TSHZ2: variants seen among roughly 807,000 people sequenced by gnomAD.
The protein encoded by TSHZ2 is teashirt zinc finger homeobox 2.
In TSHZ2, 21 loss-of-function variants were observed where a neutral mutation model predicts 74.4. The ratio of observed to expected loss-of-function variants is 0.28; its 90% CI spans 0.20 to 0.41. The LOEUF is 0.41. TSHZ2 is among the 10% of genes least tolerant of loss of function. The pLI is 1.00. For missense variants in TSHZ2, 1,244 were observed against 1,293.5 expected (o/e 0.96, Z 0.59); for synonymous variants, 540 against 515.3 (o/e 1.05, Z -0.65).
chr20:53,021,919 C>T (rs1471881778), intron 1 of TSHZ2, among the ~76,000 whole-genome samples: 1 of 152,006 alleles, frequency 6.6e-6, no homozygotes, highest in African/African-American at 2.4e-5. Flanking sequence ...AATCTTGGGA[C>T]CTGAGTATGT....
At chr20:53,142,381 C>T (rs1404938065) in intron 1 of TSHZ2, among the ~76,000 whole-genome samples, 2 of 152,142 alleles carry the variant, frequency 1.3e-5, no homozygotes, top group Non-Finnish European at 2.9e-5. Context: ...TCCAAATGCC[C>T]AGGAGGAAAA....
chr20:53,412,310 G>T (rs556646349), intron 2 of TSHZ2, among the ~76,000 whole-genome samples: 4 of 152,246 alleles, frequency 2.6e-5, no homozygotes, highest in Admixed American at 2.0e-4. Flanking sequence ...AAGGGAATGG[G>T]ACAAGAAAGG....
chr20:53,373,393 G>A (rs1000600272), intron 2 of TSHZ2, among the ~76,000 whole-genome samples: 1 of 152,070 alleles, frequency 6.6e-6, no homozygotes, highest in Admixed American at 6.6e-5. Context: ...ATCATTCTGG[G>A]TTTTTTTAAT....
At chr20:52,998,422 G>A (rs1392701908) in intron 1 of TSHZ2, among the ~76,000 whole-genome samples, 1 of 152,136 alleles carries the variant, frequency 6.6e-6, no homozygotes, top group Admixed American at 6.5e-5. Flanking sequence ...ACCCGCCTTG[G>A]TTCCCAAAGT....
At chr20:53,320,626 T>G (rs1242954743) in intron 2 of TSHZ2, among the ~76,000 whole-genome samples, 1 of 152,206 alleles carries the variant, frequency 6.6e-6, no homozygotes, top group African/African-American at 2.4e-5. Flanking sequence ...GCCAGCTCTT[T>G]CTTTGCAGAA....
At chr20:53,061,915 C>T (rs557115162) in intron 1 of TSHZ2, among the ~76,000 whole-genome samples, 3 of 152,296 alleles carry the variant, frequency 2.0e-5, no homozygotes, top group African/African-American at 4.8e-5. Flanking sequence ...CCAAGCTTTT[C>T]TGATATCATT....
At chr20:52,994,377 AATGGATGGATAAACGGATGGATGG>A in intron 1 of TSHZ2, among the ~76,000 whole-genome samples, 1 of 151,892 alleles carries the variant, frequency 6.6e-6, no homozygotes, top group South Asian at 2.1e-4. Context: ...TGGATGGATG[AATGGATGGATAAACGGATGGATGG>A]ATGGATGGAT....
intron 2 of TSHZ2, among the ~76,000 whole-genome samples, chr20:53,478,569 G>T (rs868138187): frequency 1.3e-5 from 2 of 150,838 alleles, no homozygotes; most frequent in East Asian, 1.9e-4. Context: ...GCTAGATGAC[G>T]AGTTGGTGGG....
chr20:53,394,761 C>CAAAAAAAAA (rs3042185), intron 2 of TSHZ2, among the ~76,000 whole-genome samples: 1 of 72,370 alleles, frequency 1.4e-5, no homozygotes, highest in African/African-American at 5.4e-5. Flanking sequence ...CAATCTGTCT[C>CAAAAAAAAA]AAAAAAAAAA....
chr20:53,146,561 A>T (rs901870043), intron 1 of TSHZ2, among the ~76,000 whole-genome samples: 2 of 152,226 alleles, frequency 1.3e-5, no homozygotes, highest in Non-Finnish European at 2.9e-5. Flanking sequence ...TTGATGGATG[A>T]TTGAAAAGCT....
At chr20:53,408,961 G>T (rs945428906) in intron 2 of TSHZ2, among the ~76,000 whole-genome samples, 2 of 152,124 alleles carry the variant, frequency 1.3e-5, no homozygotes, top group Admixed American at 6.6e-5. Context: ...TATTCTTCTC[G>T]TAGAGACGGT....
chr20:53,096,927 C>CA (rs1249389406), intron 1 of TSHZ2, among the ~76,000 whole-genome samples: 1 of 134,772 alleles, frequency 7.4e-6, no homozygotes, highest in South Asian at 2.3e-4. Context: ...AAAAACAAAA[C>CA]AAAAACAAAA....
intron 1 of TSHZ2, among the ~76,000 whole-genome samples, chr20:53,175,127 C>CTTTTT (rs1988299175): frequency 2.9e-5 from 2 of 68,178 alleles, no homozygotes; most frequent in Non-Finnish European, 5.4e-5. Context: ...CCTTCTTCTT[C>CTTTTT]TTTCTTTTTT....
At chr20:53,273,691 G>A (rs935877659) in intron 2 of TSHZ2, among the ~76,000 whole-genome samples, 1 of 152,188 alleles carries the variant, frequency 6.6e-6, no homozygotes, top group Admixed American at 6.5e-5. Context: ...GGGAGACCGG[G>A]AACAGATGGC....
chr20:53,288,274 G>C (rs1991206409), intron 2 of TSHZ2, among the ~76,000 whole-genome samples: 1 of 151,980 alleles, frequency 6.6e-6, no homozygotes, highest in African/African-American at 2.4e-5. Context: ...TGTGGTGGCA[G>C]ATGCCTGTAG....
At chr20:53,370,824 G>C (rs1162979278) in intron 2 of TSHZ2, among the ~76,000 whole-genome samples, 7 of 152,162 alleles carry the variant, frequency 4.6e-5, no homozygotes, top group Non-Finnish European at 1.0e-4. Context: ...GTTTGGCTGA[G>C]GGATGGCACG....
At chr20:53,045,843 A>G (rs1329812581) in intron 1 of TSHZ2, among the ~76,000 whole-genome samples, 2 of 152,180 alleles carry the variant, frequency 1.3e-5, no homozygotes, top group Non-Finnish European at 2.9e-5. Context: ...CTGTTCCATC[A>G]TCGTCATCTT....
At chr20:53,062,011 G>A (rs1437358117) in intron 1 of TSHZ2, among the ~76,000 whole-genome samples, 1 of 152,104 alleles carries the variant, frequency 6.6e-6, no homozygotes, top group African/African-American at 2.4e-5. Flanking sequence ...GCAAGAATTA[G>A]CAAGGCTTTC....
intron 2 of TSHZ2, among the ~76,000 whole-genome samples, chr20:53,352,004 C>T (rs188250377): frequency 1.3e-5 from 2 of 152,178 alleles, no homozygotes; most frequent in South Asian, 4.1e-4. Flanking sequence ...CAGACACATA[C>T]TATGTGCACC....
Sources: gnomAD v4.1 joint callset for allele counts (sites outside exome capture counted in the v4.1 genomes callset) on GRCh38, gnomAD v4.1.1 for gene constraint, MANE v1.5 for transcripts, NCBI Gene and HGNC (gene_info 2026-07-23, HGNC 2026-07-21) for gene names.